Variants in FGR observed in about 807,000 individuals in gnomAD.
FGR encodes the protein FGR proto-oncogene, Src family tyrosine kinase, also known as tyrosine-protein kinase Fgr.
FGR carries 26 observed loss-of-function variants against 63.2 expected under a neutral mutation model. The ratio of observed to expected loss-of-function variants is 0.41; its 90% CI spans 0.30 to 0.57. FGR has a LOEUF of 0.57. FGR is among the 20% of genes least tolerant of loss of function. The probability of loss-of-function intolerance (pLI) is 0.27; values close to 1 mark genes in which losing one functional copy is unlikely to be tolerated. For missense variants in FGR, 511 were observed against 690.8 expected, an observed-to-expected ratio of 0.74 and a Z score of 2.92; for synonymous variants, 286 against 277.7, an observed-to-expected ratio of 1.03 and a Z score of -0.30.
chr1:27,618,889 C>G (rs1295965005), intron 5 of FGR, among the ~76,000 whole-genome samples: 1 of 152,226 alleles, frequency 6.6e-6, no homozygotes, highest in East Asian at 1.9e-4. Flanking sequence ...ACTTCCTCAC[C>G]TCCCACTCCC....
rs2089835089 is a variant in FGR, at chr1:27,617,391, C to T, written c.429-95G>A. The stretch of plus-strand genomic sequence containing the variant: ...CCTCACAAGCCAAGACTCCATTTTC[C>T]CCATGTGTAAAATGGGGCTGGTACA... On this transcript the variant is annotated intron_variant, in intron 5 of 12. Coordinates refer to ENST00000374005, the MANE Select transcript of FGR (RefSeq NM_005248.3). This position sits in a 1 kb window ranked among gnomAD's most constrained non-coding sequence, Gnocchi z 4.5. 1.2e-6 allele frequency: 1 copy of T among 869,386 alleles called. No individual in the cohort carries two copies. The highest frequency in any genetic ancestry group is 1.6e-5 in the African/African-American group (1 of 60,700). The allele number at this position is 869,386 out of a possible 1,614,324, so 53.9% of individuals were successfully genotyped here.
intron 1 of FGR, chr1:27,626,555 C>A (rs957911045): frequency 1.0e-5 from 2 of 199,872 alleles, no homozygotes; most frequent in Non-Finnish European, 2.0e-5. Context: ...GCCCCACCTG[C>A]CCCTCTCACC....
At chr1:27,634,128 A>G (rs2090143954) in intron 1 of FGR, among the ~76,000 whole-genome samples, 1 of 138,640 alleles carries the variant, frequency 7.2e-6, no homozygotes, top group African/African-American at 2.6e-5. Context: ...AAAGGGGGCG[A>G]AGGCGGAGAG....
At chr1:27,614,397 G>C in intron 11 of FGR, 33 bp downstream of exon 11, 1 of 1,599,840 alleles carries the variant, frequency 6.3e-7, no homozygotes, top group Non-Finnish European at 8.5e-7. Context: ...TGTTGCATGG[G>C]GAGCTCTTGG....
Position 27,612,805 on chromosome 1 carries a change from T to A in FGR, c.*109A>T. The A allele has an allele frequency of 1.9e-6, 2 of 1,034,200 alleles. No homozygotes were observed. The highest frequency in any genetic ancestry group is 2.8e-6 in the Non-Finnish European group (2 of 703,196). The allele number at this position is 1,034,200 out of a possible 1,614,324, so 64.1% of individuals were successfully genotyped here. ...GTCAGAGCAGCCACGTCCTCGGTGATGCTAGGACTCTATGGGGTTCTAAGC... is the reference window on the plus strand; with the variant it reads ...GTCAGAGCAGCCACGTCCTCGGTGAAGCTAGGACTCTATGGGGTTCTAAGC... On this transcript the variant is annotated 3_prime_UTR_variant, in exon 13 of 13. Transcript: ENST00000374005.
At chr1:27,632,390 G>A (rs1220230922) in intron 1 of FGR, among the ~76,000 whole-genome samples, 3 of 151,818 alleles carry the variant, frequency 2.0e-5, no homozygotes, top group Admixed American at 6.6e-5. Context: ...CACCCACCTC[G>A]GCCTCCTAAA....
rs2089959926 is a variant in FGR at position 27,623,080 on chromosome 1, G to A, written c.291C>T (p.Thr97=). 1.2e-6 allele frequency: 2 copies of A among 1,614,068 alleles called. No homozygotes were observed. Among genetic ancestry groups the A allele is most frequent in the Admixed American group, 1.7e-5 (1 of 60,010 alleles). ...TGTGGAACTTCTCGCCCTTGGTGAAGGTGAGGTCATCCTCAGTTCGAGCCT... is the reference window on the plus strand; with the variant it reads ...TGTGGAACTTCTCGCCCTTGGTGAAAGTGAGGTCATCCTCAGTTCGAGCCT... ...DYEARTEDDL[T]FTKGEKFHIL... Residue 97 remains threonine, a synonymous_variant, in exon 4 of 13, where the codon ACC becomes ACT. Coordinates refer to ENST00000374005, the MANE Select transcript of FGR (RefSeq NM_005248.3).
At chr1:27,629,293 T>C (rs2090071154) in intron 1 of FGR, among the ~76,000 whole-genome samples, 3 of 152,196 alleles carry the variant, frequency 2.0e-5, no homozygotes, top group Non-Finnish European at 2.9e-5. Context: ...CAATGGCTGA[T>C]TTAAAGCTAC....
chr1:27,622,447 C>T (rs951903584), intron 4 of FGR, among the ~76,000 whole-genome samples: 2 of 152,072 alleles, frequency 1.3e-5, no homozygotes, highest in African/African-American at 4.8e-5. Context: ...CTCTCACTCT[C>T]TTCCTCTTTT....
intron 4 of FGR, among the ~76,000 whole-genome samples, chr1:27,622,045 C>T (rs1212968214): frequency 6.6e-6 from 1 of 152,134 alleles, no homozygotes; most frequent in Non-Finnish European, 1.5e-5. Flanking sequence ...GGTGTGGTGG[C>T]TCATGCCTGT....
intron 12 of FGR, 47 bp from the exon 13 acceptor site, chr1:27,613,169 C>A: frequency 6.2e-7 from 1 of 1,610,136 alleles, no homozygotes; most frequent in Non-Finnish European, 8.5e-7. Flanking sequence ...AGGTGGAAGC[C>A]CTTCCCCGTG....
intron 3 of FGR, 28 bp downstream of exon 3, chr1:27,623,663 G>C: frequency 6.2e-7 from 1 of 1,609,070 alleles, no homozygotes; most frequent in Non-Finnish European, 8.5e-7. Context: ...GATCCAGGCA[G>C]CTCCTGCCTC....
rs1438722979 is a variant in FGR at position 27,616,912 on chromosome 1, G to A, written c.627C>T (p.Tyr209=). 1.2e-6 allele frequency: 2 copies of A among 1,614,088 alleles called. No individual in the cohort carries two copies. Among genetic ancestry groups the A allele is most frequent in the Non-Finnish European group, 1.7e-6 (2 of 1,180,038 alleles). The stretch of plus-strand genomic sequence containing the variant: ...AGTTGAACTGAACCCGTGTGGTGAT[G>A]TAGTAGCCGCCCATGTCCAGTTTGC... The part of the protein sequence containing the change: ...KIRKLDMGGY[Y]ITTRVQFNSV... Residue 209 remains tyrosine, a synonymous_variant, in exon 7 of 13, where the codon TAC becomes TAT. Coordinates refer to ENST00000374005, the MANE Select transcript of FGR (RefSeq NM_005248.3). The surrounding 1 kb of genome is among the most constrained non-coding windows in gnomAD (Gnocchi z 4.3).
chr1:27,612,448 A>C lies in FGR; in HGVS notation c.*466T>G. 6.2e-6 allele frequency: 1 copy of C among 161,884 alleles called. No individual in the cohort carries two copies. The highest frequency in any genetic ancestry group is 1.4e-5 in the Non-Finnish European group (1 of 73,268). 10.0% of individuals were successfully genotyped at this position (161,884 alleles called of 1,614,324 possible). A position where few individuals can be genotyped will look rare whatever the true frequency, so the allele number is the denominator to read the frequency against. ...GGACCACTGCATCCACCCAGCAGGA[A>C]AGGGGTCCAGCCAAGACTTTTCCTG... On this transcript the variant is annotated 3_prime_UTR_variant, in exon 13 of 13. Transcript: ENST00000374005.
intron 11 of FGR, among the ~76,000 whole-genome samples, 162 bp downstream of exon 11, chr1:27,614,268 A>G (rs1410522530): frequency 1.3e-5 from 2 of 152,232 alleles, no homozygotes; most frequent in African/African-American, 4.8e-5. Flanking sequence ...ATGGCTGGTA[A>G]GTGGCCGACC....
intron 5 of FGR, among the ~76,000 whole-genome samples, chr1:27,620,325 A>G (rs936588896): frequency 6.6e-6 from 1 of 151,930 alleles, no homozygotes; most frequent in African/African-American, 2.4e-5. Flanking sequence ...TAAAATAATA[A>G]TATCAAGGCC....
chr1:27,614,882 T>C lies in FGR; in HGVS notation c.1063A>G (p.Arg355Gly). The change falls in exon 10 of 13, where the codon AGG becomes GGG. Residue 355 changes from arginine to glycine, a missense_variant. Transcript: ENST00000374005. Reference sequence around the variant, plus strand: ...GCCATGTCCACCAATTGGGGCAGCCTCAAATCCTGGCCCTCTGGGTTCTTG... The same window carrying C: ...GCCATGTCCACCAATTGGGGCAGCCCCAAATCCTGGCCCTCTGGGTTCTTG... ...FLKNPEGQDL[R>G]LPQLVDMAAQ... The C allele has an allele frequency of 1.3e-6, 2 of 1,598,698 alleles. No individual in the cohort carries two copies. Among genetic ancestry groups the C allele is most frequent in the Non-Finnish European group, 8.5e-7 (1 of 1,171,450 alleles).
chr1:27,628,278 ATAGAGGCTGCAGTGAGC>A (rs1169130820), intron 1 of FGR, among the ~76,000 whole-genome samples: 1 of 151,840 alleles, frequency 6.6e-6, no homozygotes. Context: ...AGACCAGGAG[ATAGAGGCTGCAGTGAGC>A]TATGATCATG....
intron 1 of FGR, among the ~76,000 whole-genome samples, chr1:27,630,162 T>C (rs2090084988): frequency 6.6e-6 from 1 of 152,090 alleles, no homozygotes; most frequent in African/African-American, 2.4e-5. Flanking sequence ...AAGTGATTCT[T>C]CTGCCTCAGC....
Sources: allele counts gnomAD v4.1 joint callset (sites outside exome capture counted in the v4.1 genomes callset), GRCh38; gene constraint gnomAD v4.1.1; non-coding constraint Gnocchi (gnomAD v3.1); transcripts MANE v1.5; gene names NCBI Gene and HGNC (gene_info 2026-07-23, HGNC 2026-07-21).